Variants in GPC5 observed in about 807,000 individuals in gnomAD.
GPC5 encodes the protein glypican 5, also known as glypican-5.
Under a neutral mutation model 53.9 loss-of-function variants are expected in GPC5, and 47 were observed. The ratio of observed to expected loss-of-function variants is 0.87; its 90% CI spans 0.69 to 1.11. The LOEUF is 1.11. Among genes scored for constraint, GPC5 ranks in the 50% most tolerant of loss-of-function variants. The pLI is 0.00. For missense variants in GPC5, 748 were observed against 713.1 expected (o/e 1.05, Z -0.56); for synonymous variants, 286 against 263.3 (o/e 1.09, Z -0.84).
intron 2 of GPC5, among the ~76,000 whole-genome samples, chr13:91,560,076 A>G (rs1240532090): frequency 6.6e-6 from 1 of 152,164 alleles, no homozygotes; most frequent in Admixed American, 6.6e-5. Context: ...TATCTTGTGC[A>G]ACTTGAGTTG....
intron 7 of GPC5, among the ~76,000 whole-genome samples, chr13:92,200,985 AC>A (rs1490899525): frequency 3.6e-5 from 1 of 27,998 alleles, no homozygotes; most frequent in African/African-American, 2.2e-4. Flanking sequence ...ACACACACAC[AC>A]ACACACACAC....
chr13:92,605,552 A>T (rs991980001), intron 7 of GPC5, among the ~76,000 whole-genome samples: 7 of 152,038 alleles, frequency 4.6e-5, no homozygotes, highest in African/African-American at 1.7e-4. Flanking sequence ...GATCTGAAAA[A>T]TAAATGAGCA....
intron 6 of GPC5, among the ~76,000 whole-genome samples, chr13:92,085,957 C>T (rs1194184054): frequency 6.6e-6 from 1 of 152,218 alleles, no homozygotes; most frequent in African/African-American, 2.4e-5. Context: ...TTGTTCCTAA[C>T]AGCCACGGAC....
intron 6 of GPC5, among the ~76,000 whole-genome samples, chr13:91,964,729 C>G (rs748209484): frequency 6.6e-6 from 1 of 152,142 alleles, no homozygotes; most frequent in Admixed American, 6.6e-5. Context: ...CATCCCATTA[C>G]TGGGTATATA....
At chr13:91,939,405 G>A (rs575779764) in intron 6 of GPC5, among the ~76,000 whole-genome samples, 2 of 152,072 alleles carry the variant, frequency 1.3e-5, no homozygotes, top group Non-Finnish European at 2.9e-5. Context: ...GCCAAGGGAG[G>A]CTAGAACTCT....
At chr13:91,579,970 A>C (rs1251113263) in intron 2 of GPC5, among the ~76,000 whole-genome samples, 1 of 152,098 alleles carries the variant, frequency 6.6e-6, no homozygotes, top group Non-Finnish European at 1.5e-5. Context: ...TAATTCTTTC[A>C]AGTAACTTCT....
intron 5 of GPC5, among the ~76,000 whole-genome samples, chr13:91,844,086 A>C (rs1175303097): frequency 2.0e-5 from 3 of 152,138 alleles, no homozygotes; most frequent in African/African-American, 7.2e-5. Context: ...CCAGGACAGG[A>C]GGTAAAGGAT....
intron 6 of GPC5, among the ~76,000 whole-genome samples, chr13:91,941,257 T>C (rs2039924339): frequency 6.6e-6 from 1 of 152,176 alleles, no homozygotes; most frequent in Non-Finnish European, 1.5e-5. Context: ...CGTAGCCTTA[T>C]AGCATAGTTT....
intron 7 of GPC5, among the ~76,000 whole-genome samples, chr13:92,378,759 C>T (rs1363939904): frequency 6.6e-6 from 1 of 152,104 alleles, no homozygotes; most frequent in African/African-American, 2.4e-5. Flanking sequence ...TTTACCTCTA[C>T]ATTTTAAGCA....
chr13:91,747,876 G>C (rs2037085763), intron 4 of GPC5, among the ~76,000 whole-genome samples: 1 of 152,152 alleles, frequency 6.6e-6, no homozygotes, highest in East Asian at 1.9e-4. Flanking sequence ...TGATAATTTA[G>C]TGACTTCTCA....
chr13:92,448,542 AG>A (rs1877926918), intron 7 of GPC5: 1 of 150,922 alleles, frequency 6.6e-6, no homozygotes, highest in Admixed American at 6.6e-5. Context: ...AAATGCTTTT[AG>A]AAATGCTCAG....
intron 7 of GPC5, among the ~76,000 whole-genome samples, chr13:92,305,698 A>G (rs2043105938): frequency 6.6e-6 from 1 of 152,236 alleles, no homozygotes. Context: ...ACAACTAGTT[A>G]CTAAGCACCT....
chr13:92,407,196 C>A (rs1369406002), intron 7 of GPC5, among the ~76,000 whole-genome samples: 1 of 152,044 alleles, frequency 6.6e-6, no homozygotes, highest in Non-Finnish European at 1.5e-5. Flanking sequence ...TGTTTCTAGG[C>A]TGATATACAA....
intron 7 of GPC5, among the ~76,000 whole-genome samples, chr13:92,418,266 A>T (rs182188234): frequency 8.9e-4 from 135 of 152,310 alleles, no homozygotes; most frequent in Middle Eastern, 3.4e-3. Flanking sequence ...TTTTGAGTCC[A>T]CTGGAAATCA....
At chr13:92,486,527 A>G (rs1179832090) in intron 7 of GPC5, among the ~76,000 whole-genome samples, 1 of 152,204 alleles carries the variant, frequency 6.6e-6, no homozygotes, top group African/African-American at 2.4e-5. Flanking sequence ...ATTTGTTGAC[A>G]TAGGGAACTG....
chr13:92,595,564 C>T (rs1002319883), intron 7 of GPC5, among the ~76,000 whole-genome samples: 15 of 151,418 alleles, frequency 9.9e-5, no homozygotes, highest in Admixed American at 1.3e-4. Context: ...GTCAGGAGAT[C>T]GAGACCATCC....
At chr13:92,760,587 AT>A (rs200252255) in intron 7 of GPC5, among the ~76,000 whole-genome samples, 13 of 142,098 alleles carry the variant, frequency 9.1e-5, no homozygotes, top group East Asian at 2.2e-4. Flanking sequence ...GAGTTTTTCA[AT>A]TTTTTTTTTC....
At chr13:92,586,459 G>A (rs1050253797) in intron 7 of GPC5, among the ~76,000 whole-genome samples, 4 of 152,220 alleles carry the variant, frequency 2.6e-5, no homozygotes, top group Admixed American at 6.5e-5. Context: ...AAGCCTGGAA[G>A]CCTAGCATGT....
intron 7 of GPC5, among the ~76,000 whole-genome samples, chr13:92,277,054 C>T (rs2042880954): frequency 6.6e-6 from 1 of 151,812 alleles, no homozygotes; most frequent in Non-Finnish European, 1.5e-5. Flanking sequence ...CTGTTGCTTA[C>T]AACATTCACA....
Sources: gnomAD v4.1 joint callset for allele counts (sites outside exome capture counted in the v4.1 genomes callset) on GRCh38, gnomAD v4.1.1 for gene constraint, MANE v1.5 for transcripts, NCBI Gene and HGNC (gene_info 2026-07-23, HGNC 2026-07-21) for gene names.